The following CCDC7 variants were observed in gnomAD, a reference collection of about 807,000 sequenced individuals.
The protein encoded by CCDC7 is coiled-coil domain containing 7.
A neutral mutation model predicts 196.9 loss-of-function variants in CCDC7; 183 were observed. That is an observed-to-expected ratio of 0.93 (90% CI 0.82 to 1.05). The LOEUF (loss-of-function observed/expected upper bound fraction) is 1.05. Ranked by LOEUF, CCDC7 falls within the 50% of genes least tolerant of loss-of-function variation. The pLI is 0.00. For synonymous variants in CCDC7, 525 were observed against 484.6 expected (o/e 1.08, Z -1.10); for missense variants, 1,540 against 1,482.2 (o/e 1.04, Z -0.64).
intron 13 of CCDC7, among the ~76,000 whole-genome samples, chr10:32,547,885 C>T (rs2052740562): frequency 6.6e-6 from 1 of 151,950 alleles, no homozygotes; most frequent in Non-Finnish European, 1.5e-5. Flanking sequence ...TTTTGGTGCA[C>T]CCATCATCCA....
At chr10:32,845,727 T>G in intron 35 of CCDC7, 101 bp downstream of exon 36, 1 of 1,184,906 alleles carries the variant, frequency 8.4e-7, no homozygotes, top group South Asian at 1.3e-5. Flanking sequence ...TATATGTTGG[T>G]ATTACACAGG....
chr10:32,445,997 G>A (rs2030820934), upstream of CCDC7: 5 of 152,306 alleles, frequency 3.3e-5, no homozygotes, highest in African/African-American at 1.2e-4. Context: ...TGTGCCCATG[G>A]ACATTATTAA....
At chr10:32,756,715 T>G (rs1374540153) in intron 28 of CCDC7, among the ~76,000 whole-genome samples, 2 of 152,196 alleles carry the variant, frequency 1.3e-5, no homozygotes, top group African/African-American at 4.8e-5. Flanking sequence ...AGTAACCAGC[T>G]AACATCATAA....
At position 32,633,696 on chromosome 10, in the gene CCDC7, ATGTGTGTG is replaced by A. The variant is rs1554928040; in HGVS notation, c.1802-530_1802-523del. Among the ~76,000 whole-genome samples, 291 of 135,218 alleles carry A rather than the reference ATGTGTGTG, an allele frequency of 2.2e-3. 1 individual carries two copies. The highest frequency in any genetic ancestry group is 7.3e-3 in the African/African-American group (263 of 35,862). 88.7% of individuals were successfully genotyped at this position (135,218 alleles called of 152,430 possible). On this transcript the variant is annotated intron_variant, in intron 18 of 41. Transcript: ENST00000639629. ...TTTAGCTTTGTGTATATATATATAT[ATGTGTGTG>A]TGTGTGTGTGTGTGTGTGTGTGTGT... is the stretch of plus-strand genomic sequence containing the variant.
At chr10:32,520,888 T>C (rs2047779531) in intron 11 of CCDC7, among the ~76,000 whole-genome samples, 3 of 152,148 alleles carry the variant, frequency 2.0e-5, no homozygotes, top group Admixed American at 6.5e-5. Flanking sequence ...CATTTTGATA[T>C]GATTTTTGTG....
upstream of CCDC7, among the ~76,000 whole-genome samples, chr10:32,450,295 C>T (rs376192557): frequency 3.3e-5 from 5 of 152,306 alleles, no homozygotes; most frequent in East Asian, 9.6e-4. Context: ...ATATGGTCTT[C>T]TTATAGTGAC....
At chr10:32,692,220 G>C (rs2077169138) in intron 23 of CCDC7, among the ~76,000 whole-genome samples, 1 of 152,196 alleles carries the variant, frequency 6.6e-6, no homozygotes, top group African/African-American at 2.4e-5. Context: ...GTACAACTCA[G>C]TGTGCAGAGT....
intron 21 of CCDC7, among the ~76,000 whole-genome samples, chr10:32,682,434 T>C (rs1279316473): frequency 6.6e-6 from 1 of 152,250 alleles, no homozygotes; most frequent in African/African-American, 2.4e-5. Flanking sequence ...CTGTCTTTGC[T>C]ACTGTGAATA....
intron 20 of CCDC7, among the ~76,000 whole-genome samples, chr10:32,658,555 T>C (rs1374073755): frequency 6.6e-6 from 1 of 152,192 alleles, no homozygotes. Context: ...ACATGGGGAT[T>C]ATGGAAACTA....
At chr10:32,596,232 T>C (rs1253343935) in intron 18 of CCDC7, among the ~76,000 whole-genome samples, 1 of 152,198 alleles carries the variant, frequency 6.6e-6, no homozygotes. Context: ...ATTGGGTGCA[T>C]ATATATTTAG....
chr10:32,584,983 T>G (rs2059113310), intron 18 of CCDC7, among the ~76,000 whole-genome samples: 1 of 152,182 alleles, frequency 6.6e-6, no homozygotes, highest in Non-Finnish European at 1.5e-5. Context: ...AGGTGTTTGA[T>G]ATACGGTTAA....
At chr10:32,697,466 C>T (rs542321805) in intron 24 of CCDC7, among the ~76,000 whole-genome samples, 15 of 152,190 alleles carry the variant, frequency 9.9e-5, no homozygotes, top group African/African-American at 2.2e-4. Flanking sequence ...AGGACACTCC[C>T]GCCTTAATAC....
intron 11 of CCDC7, among the ~76,000 whole-genome samples, chr10:32,525,469 A>G (rs2048528572): frequency 6.6e-6 from 1 of 152,100 alleles, no homozygotes; most frequent in South Asian, 2.1e-4. Context: ...ATTATCTTGA[A>G]TTTGAGTTTT....
chr10:32,446,160 G>C (rs896156070), exon 1 of CCDC7: 3 of 152,178 alleles, frequency 2.0e-5, no homozygotes, highest in African/African-American at 7.2e-5. Context: ...TCCGGCGCCG[G>C]CGGCGGGTGC....
intron 13 of CCDC7, among the ~76,000 whole-genome samples, chr10:32,557,810 G>A (rs2054616197): frequency 6.6e-6 from 1 of 152,078 alleles, no homozygotes; most frequent in African/African-American, 2.4e-5. Context: ...TCCTGCCTCA[G>A]CTTCCCAAGG....
rs1384173444 is a variant in CCDC7 at position 32,603,158 on chromosome 10, T to A, written c.1801+18854T>A. ...ATTGTACTCTATATCCCCATGAAAT[T>A]CACTTTTTTTTTTTTTAGCTCATAC... On this transcript the variant is annotated intron_variant, in intron 18 of 41. Coordinates refer to ENST00000639629, the Ensembl canonical transcript of CCDC7. Among the ~76,000 whole-genome samples the A allele has an allele frequency of 2.8e-5, 4 of 144,842 alleles. No homozygotes were observed. The East Asian group carries it at 9.7e-4, about 35-fold the overall frequency.
intron 21 of CCDC7, among the ~76,000 whole-genome samples, chr10:32,673,835 G>T (rs2074480063): frequency 6.6e-6 from 1 of 151,806 alleles, no homozygotes; most frequent in South Asian, 2.1e-4. Context: ...ATTCAGTCTT[G>T]GTAGGTTATT....
At chr10:32,660,696 A>G (rs140014540) in intron 20 of CCDC7, among the ~76,000 whole-genome samples, 8,035 of 152,134 alleles carry the variant, frequency 0.053, 706 homozygotes, top group African/African-American at 0.18. Flanking sequence ...CTGATCTTTG[A>G]CAAACCTGAG....
intron 11 of CCDC7, among the ~76,000 whole-genome samples, chr10:32,524,065 TTCTG>T (rs1400450305): frequency 8.3e-6 from 1 of 119,866 alleles, no homozygotes; most frequent in East Asian, 2.2e-4. Flanking sequence ...TCTTTCTTCC[TTCTG>T]TCTTTTTTTT....
Sources: allele counts gnomAD v4.1 joint callset (sites outside exome capture counted in the v4.1 genomes callset), GRCh38; gene constraint gnomAD v4.1.1; transcripts MANE v1.5; gene names NCBI Gene and HGNC (gene_info 2026-07-23, HGNC 2026-07-21).